TBC1D22A: variants seen among roughly 807,000 people sequenced by gnomAD.
The protein encoded by TBC1D22A is TBC1 domain family member 22A.
Under a neutral mutation model 60.2 loss-of-function variants are expected in TBC1D22A, and 38 were observed. The observed-to-expected ratio is 0.63, with a 90% CI of 0.49 to 0.83. The LOEUF is 0.83. Ranked by LOEUF, TBC1D22A falls within the 40% of genes least tolerant of loss-of-function variation. TBC1D22A has a pLI of 0.00. For synonymous variants in TBC1D22A, 302 were observed against 281.7 expected (o/e 1.07, Z -0.72); for missense variants, 628 against 701.0 (o/e 0.90, Z 1.18).
chr22:46,865,569 A>T (rs547287190), intron 4 of TBC1D22A, among the ~76,000 whole-genome samples: 1 of 152,370 alleles, frequency 6.6e-6, no homozygotes, highest in East Asian at 1.9e-4. Flanking sequence ...CTAGGTGCAC[A>T]ACACACAGTT....
intron 8 of TBC1D22A, among the ~76,000 whole-genome samples, chr22:46,920,476 T>C (rs1053302608): frequency 3.3e-5 from 5 of 152,160 alleles, no homozygotes; most frequent in African/African-American, 1.2e-4. Flanking sequence ...AGGTAAAATT[T>C]CCATATATTC....
At chr22:46,906,824 A>G (rs930750527) in intron 7 of TBC1D22A, among the ~76,000 whole-genome samples, 16 of 125,344 alleles carry the variant, frequency 1.3e-4, no homozygotes, top group African/African-American at 6.1e-4. Context: ...CTCTAGGTGC[A>G]TGTGTGTGTG....
intron 12 of TBC1D22A, among the ~76,000 whole-genome samples, chr22:47,154,625 G>A (rs2067640128): frequency 6.6e-6 from 1 of 152,180 alleles, no homozygotes; most frequent in African/African-American, 2.4e-5. Flanking sequence ...GCCTGCCCTG[G>A]AGCAGGTAGC....
intron 1 of TBC1D22A, 94 bp downstream of exon 1, chr22:46,762,942 G>T: frequency 8.1e-7 from 1 of 1,230,196 alleles, no homozygotes; most frequent in South Asian, 1.6e-5. Context: ...CGGGGGTCTG[G>T]AGAGGGCAAC....
intron 1 of TBC1D22A, chr22:46,763,460 A>T (rs561020041): frequency 1.3e-4 from 15 of 119,382 alleles, no homozygotes; most frequent in Non-Finnish European, 2.2e-4. Context: ...TACACCCTAG[A>T]TGCTATACAG....
intron 9 of TBC1D22A, among the ~76,000 whole-genome samples, chr22:46,994,611 C>A (rs1351655403): frequency 6.6e-6 from 1 of 152,196 alleles, no homozygotes; most frequent in East Asian, 1.9e-4. Context: ...GAATGTGCTC[C>A]CCATGGCTCC....
intron 1 of TBC1D22A, among the ~76,000 whole-genome samples, chr22:46,791,254 T>G (rs2084393459): frequency 6.6e-6 from 1 of 152,190 alleles, no homozygotes. Context: ...ACTCCTGAGC[T>G]CAAGCGATCC....
At chr22:46,947,088 C>A (rs1279914602) in intron 8 of TBC1D22A, among the ~76,000 whole-genome samples, 2 of 151,716 alleles carry the variant, frequency 1.3e-5, no homozygotes, top group African/African-American at 4.8e-5. Flanking sequence ...CAGGCCACAC[C>A]GTTATGTGGA....
At chr22:47,148,928 G>A (rs1170921084) in intron 12 of TBC1D22A, among the ~76,000 whole-genome samples, 1 of 149,066 alleles carries the variant, frequency 6.7e-6, no homozygotes, top group African/African-American at 2.6e-5. Flanking sequence ...CCTTCATGCA[G>A]GTTCTAGGGG....
chr22:47,032,171 G>A (rs551317889), intron 10 of TBC1D22A, among the ~76,000 whole-genome samples: 8 of 152,310 alleles, frequency 5.3e-5, no homozygotes, highest in South Asian at 2.1e-4. Flanking sequence ...CCTCTTCTGC[G>A]TGTGACTCTG....
intron 7 of TBC1D22A, among the ~76,000 whole-genome samples, chr22:46,907,761 G>T (rs1388758015): frequency 1.3e-5 from 2 of 152,254 alleles, no homozygotes; most frequent in African/African-American, 2.4e-5. Flanking sequence ...ACCTTGAACT[G>T]GGTGAGAGCC....
intron 12 of TBC1D22A, among the ~76,000 whole-genome samples, chr22:47,152,820 G>C (rs890355213): frequency 6.6e-6 from 1 of 152,228 alleles, no homozygotes; most frequent in Non-Finnish European, 1.5e-5. Flanking sequence ...CCAGATGTCT[G>C]TGACCCTTCG....
intron 5 of TBC1D22A, among the ~76,000 whole-genome samples, chr22:46,890,826 ATGTGTGTGTGTGCGTGGGGTGTG>A: frequency 1.3e-5 from 2 of 151,806 alleles, no homozygotes; most frequent in Non-Finnish European, 3.0e-5. Context: ...ATGCGTGTAT[ATGTGTGTGTGTGCGTGGGGTGTG>A]TGTGCGTGGT....
At position 46,878,732 on chromosome 22, in the gene TBC1D22A, C is replaced by T. The variant is rs759529370; in HGVS notation, c.708+9C>T. On this transcript the variant is annotated intron_variant, in intron 5 of 12. Transcript: ENST00000337137. ...CGTGGAAGCTCCTCTCAGTAAGTCC[C>T]ACCGCACCGCCCATCAGCGCCTCCT... 1 of 1,612,612 alleles carries T rather than the reference C, an allele frequency of 6.2e-7. No homozygotes were observed. The highest frequency in any genetic ancestry group is 1.3e-5 in the African/African-American group (1 of 74,900).
At chr22:47,094,599 G>A (rs1000438715) in intron 11 of TBC1D22A, among the ~76,000 whole-genome samples, 2 of 152,200 alleles carry the variant, frequency 1.3e-5, no homozygotes, top group African/African-American at 4.8e-5. Flanking sequence ...ACATGTATAT[G>A]TACATACGTC....
At position 46,878,751 on chromosome 22, in the gene TBC1D22A, G is replaced by A. The variant is rs201729210; in HGVS notation, c.708+28G>A. The A allele has an allele frequency of 3.4e-4, 545 of 1,608,366 alleles. 3 individuals are homozygous for A. Among genetic ancestry groups the A allele is most frequent in the Non-Finnish European group, 4.4e-4 (514 of 1,175,788 alleles). ...AAGTCCCACCGCACCGCCCATCAGC[G>A]CCTCCTTCCTGTGCACAGGGACTGC... On this transcript the variant is annotated intron_variant, in intron 5 of 12. Coordinates refer to ENST00000337137, the MANE Select transcript of TBC1D22A (RefSeq NM_014346.5).
At chr22:47,034,350 C>G (rs2062585284) in intron 10 of TBC1D22A, among the ~76,000 whole-genome samples, 1 of 152,170 alleles carries the variant, frequency 6.6e-6, no homozygotes, top group Admixed American at 6.5e-5. Flanking sequence ...CTGAGGCGTT[C>G]CCAGTGCAGA....
intron 4 of TBC1D22A, among the ~76,000 whole-genome samples, chr22:46,824,330 C>A (rs1408978093): frequency 6.6e-6 from 1 of 152,062 alleles, no homozygotes; most frequent in Middle Eastern, 3.2e-3. Flanking sequence ...GAAGCGTAGA[C>A]CCAAAGGATG....
chr22:46,924,934 A>C (rs999457823), intron 8 of TBC1D22A, among the ~76,000 whole-genome samples: 5 of 152,164 alleles, frequency 3.3e-5, no homozygotes, highest in African/African-American at 1.2e-4. Flanking sequence ...AGCCGGTGGG[A>C]CACATGAGAG....
Sources: gnomAD v4.1 joint callset for allele counts (sites outside exome capture counted in the v4.1 genomes callset) on GRCh38, gnomAD v4.1.1 for gene constraint, MANE v1.5 for transcripts, NCBI Gene and HGNC (gene_info 2026-07-23, HGNC 2026-07-21) for gene names.